The following GRID2 variants were observed in gnomAD, a reference collection of about 807,000 sequenced individuals.
GRID2 encodes the protein glutamate ionotropic receptor delta type subunit 2, also known as glutamate receptor ionotropic, delta-2.
Under a neutral mutation model 114.8 loss-of-function variants are expected in GRID2, and 33 were observed. That is an observed-to-expected ratio of 0.29 (90% CI 0.22 to 0.38). The LOEUF is 0.38. Among genes scored for constraint, GRID2 ranks in the 10% least tolerant of loss-of-function variants. The probability of loss-of-function intolerance (pLI) is 1.00; values close to 1 mark genes in which losing one functional copy is unlikely to be tolerated. For missense variants in GRID2, 1,184 were observed against 1,257.7 expected (o/e 0.94, Z 0.89); for synonymous variants, 505 against 449.9 (o/e 1.12, Z -1.55).
chr4:93,256,469 T>C (rs904124794), intron 8 of GRID2, among the ~76,000 whole-genome samples: 3 of 151,836 alleles, frequency 2.0e-5, no homozygotes, highest in African/African-American at 7.2e-5. Context: ...AAAAATATGA[T>C]GGGGCTGTTA....
At chr4:93,704,086 G>A (rs1475139349) in intron 14 of GRID2, among the ~76,000 whole-genome samples, 1 of 152,128 alleles carries the variant, frequency 6.6e-6, no homozygotes, top group Non-Finnish European at 1.5e-5. Context: ...CTTCCACAAT[G>A]GTTGAACTAG....
intron 1 of GRID2, among the ~76,000 whole-genome samples, chr4:92,352,705 G>A (rs79554338): frequency 0.025 from 3,785 of 151,926 alleles, 77 homozygotes; most frequent in East Asian, 0.1. Flanking sequence ...GTCATTTGTA[G>A]GTTTATTAGG....
intron 12 of GRID2, among the ~76,000 whole-genome samples, chr4:93,506,629 C>G (rs1445940104): frequency 6.6e-6 from 1 of 152,162 alleles, no homozygotes; most frequent in Admixed American, 6.6e-5. Flanking sequence ...AAGGCTGCAT[C>G]ATTTAGACCT....
chr4:92,536,591 A>T (rs1036384327), intron 1 of GRID2, among the ~76,000 whole-genome samples: 5 of 152,182 alleles, frequency 3.3e-5, no homozygotes, highest in African/African-American at 1.2e-4. Flanking sequence ...TGTTATTTTA[A>T]TTTTTTGCTT....
intron 1 of GRID2, among the ~76,000 whole-genome samples, chr4:92,367,500 G>T (rs1728926310): frequency 6.6e-6 from 1 of 151,914 alleles, no homozygotes; most frequent in African/African-American, 2.4e-5. Flanking sequence ...GGAATGAGAG[G>T]AAGGGCAAAC....
intron 1 of GRID2, among the ~76,000 whole-genome samples, chr4:92,368,211 T>A (rs991748709): frequency 6.6e-5 from 10 of 152,000 alleles, no homozygotes; most frequent in African/African-American, 2.4e-4. Flanking sequence ...TAAGCTGTAA[T>A]AGTCTCTTTT....
intron 2 of GRID2, among the ~76,000 whole-genome samples, chr4:92,852,139 A>C (rs1471005021): frequency 1.3e-5 from 2 of 151,836 alleles, no homozygotes; most frequent in Non-Finnish European, 2.9e-5. Context: ...AGAGATGAAC[A>C]CTTGTGTTTT....
In GRID2 at chr4:93,296,829, G is replaced by A. The variant is rs1053495549; in HGVS notation, c.1245+58339G>A. ...TTACCTTTGTCTACAAGGGTAAGTC[G>A]TTGTTCTCAAAAATCACAGTGAATA... On this transcript the variant is annotated intron_variant, in intron 8 of 15. Coordinates refer to ENST00000282020, the MANE Select transcript of GRID2 (RefSeq NM_001510.4). 4.6e-5 allele frequency among the ~76,000 whole-genome samples: 7 copies of A among 152,072 alleles called. No homozygotes were observed. The East Asian group carries it at 5.8e-4, about 13-fold the overall frequency.
chr4:92,488,045 T>G (rs1042429893), intron 1 of GRID2, among the ~76,000 whole-genome samples: 1 of 152,170 alleles, frequency 6.6e-6, no homozygotes, highest in African/African-American at 2.4e-5. Flanking sequence ...GTGCCTCAAC[T>G]GTGTCGATTC....
chr4:92,742,200 G>A (rs1463150131), intron 2 of GRID2, among the ~76,000 whole-genome samples: 1 of 152,046 alleles, frequency 6.6e-6, no homozygotes, highest in African/African-American at 2.4e-5. Flanking sequence ...TACAATTTCT[G>A]TAAGTGAGAA....
intron 1 of GRID2, among the ~76,000 whole-genome samples, chr4:92,371,434 C>A (rs1158163254): frequency 1.3e-5 from 2 of 152,086 alleles, no homozygotes; most frequent in African/African-American, 2.4e-5. Flanking sequence ...GAGTGGAAGT[C>A]AATGCTCATT....
chr4:93,611,505 G>T, intron 13 of GRID2, among the ~76,000 whole-genome samples: 1 of 141,100 alleles, frequency 7.1e-6, no homozygotes, highest in African/African-American at 2.9e-5. Flanking sequence ...AGAGATTCTG[G>T]TATGTTGTGT....
intron 2 of GRID2, among the ~76,000 whole-genome samples, chr4:92,853,713 G>A (rs967853108): frequency 2.6e-5 from 4 of 151,928 alleles, no homozygotes; most frequent in Non-Finnish European, 5.9e-5. Flanking sequence ...GAGCATATAA[G>A]TCTGATGAAT....
At chr4:93,726,701 A>T (rs2110210065) in intron 14 of GRID2, among the ~76,000 whole-genome samples, 1 of 152,182 alleles carries the variant, frequency 6.6e-6, no homozygotes, top group East Asian at 1.9e-4. Context: ...GGTCCTTCAC[A>T]TCTCTTGTAA....
chr4:93,216,914 A>C lies in GRID2; in HGVS notation c.963+3A>C, dbSNP rs1346826385. On this transcript the variant is annotated splice_donor_region_variant and intron_variant, in intron 6 of 15. Coordinates refer to ENST00000282020, the MANE Select transcript of GRID2 (RefSeq NM_001510.4). The stretch of plus-strand genomic sequence containing the variant: ...ATCCATTTGCTCAGAATATGGAGGT[A>C]TATTATAAATGACAGGATATTTCTT... The C allele has an allele frequency of 6.3e-7, 1 of 1,597,868 alleles. No individual in the cohort carries two copies. The highest frequency in any genetic ancestry group is 8.6e-7 in the Non-Finnish European group (1 of 1,165,978).
chr4:93,713,449 A>G (rs1033258544), intron 14 of GRID2, among the ~76,000 whole-genome samples: 3 of 151,816 alleles, frequency 2.0e-5, no homozygotes, highest in Non-Finnish European at 2.9e-5. Flanking sequence ...TTATTTATTT[A>G]TTTATTTATG....
intron 2 of GRID2, among the ~76,000 whole-genome samples, chr4:92,850,173 T>C (rs1024760851): frequency 2.6e-5 from 4 of 151,396 alleles, no homozygotes; most frequent in African/African-American, 9.7e-5. Flanking sequence ...TCTAGTAATA[T>C]ATATTGATAT....
At chr4:92,683,302 A>C (rs1733741436) in intron 2 of GRID2, among the ~76,000 whole-genome samples, 1 of 151,860 alleles carries the variant, frequency 6.6e-6, no homozygotes, top group Non-Finnish European at 1.5e-5. Context: ...CCATATCAGA[A>C]AAAAAAAATT....
At chr4:93,302,178 ATTCTC>A (rs1174109967) in intron 8 of GRID2, among the ~76,000 whole-genome samples, 1 of 152,196 alleles carries the variant, frequency 6.6e-6, no homozygotes, top group Non-Finnish European at 1.5e-5. Context: ...GATTTTTTCA[ATTCTC>A]TTATCTTCGC....
Sources: gnomAD v4.1 joint callset for allele counts (sites outside exome capture counted in the v4.1 genomes callset) on GRCh38, gnomAD v4.1.1 for gene constraint, MANE v1.5 for transcripts, NCBI Gene and HGNC (gene_info 2026-07-23, HGNC 2026-07-21) for gene names.